KIAA1549L: variants seen among roughly 807,000 people sequenced by gnomAD.
KIAA1549L encodes KIAA1549 like, also known as UPF0606 protein KIAA1549L.
In KIAA1549L, 88 loss-of-function variants were observed where a neutral mutation model predicts 160.7. That is an observed-to-expected ratio of 0.55 (90% CI 0.46 to 0.65). KIAA1549L has a LOEUF of 0.65. Among genes scored for constraint, KIAA1549L ranks in the 30% least tolerant of loss-of-function variants. The probability of loss-of-function intolerance (pLI) is 0.00; values close to 1 mark genes in which losing one functional copy is unlikely to be tolerated. For synonymous variants in KIAA1549L, 950 were observed against 976.7 expected, an observed-to-expected ratio of 0.97 and a Z score of 0.51; for missense variants, 2,258 against 2,437.5, an observed-to-expected ratio of 0.93 and a Z score of 1.55.
At chr11:33,533,955 C>T (rs1853834950) in intron 1 of KIAA1549L, among the ~76,000 whole-genome samples, 1 of 152,210 alleles carries the variant, frequency 6.6e-6, no homozygotes, top group Admixed American at 6.5e-5. Context: ...TACTGTCGGT[C>T]CAAACACAAG....
chr11:33,626,053 A>G (rs1213697007), intron 16 of KIAA1549L, among the ~76,000 whole-genome samples: 1 of 150,632 alleles, frequency 6.6e-6, no homozygotes, highest in Non-Finnish European at 1.5e-5. Flanking sequence ...CAGGTTTGTC[A>G]AAGATCAGAT....
chr11:33,563,770 A>G (rs992145275), intron 8 of KIAA1549L, among the ~76,000 whole-genome samples: 3 of 152,202 alleles, frequency 2.0e-5, no homozygotes, highest in Admixed American at 6.5e-5. Context: ...AACATTTACA[A>G]AATCATGTTT....
At chr11:33,503,067 A>C (rs888611617) in intron 1 of KIAA1549L, among the ~76,000 whole-genome samples, 1 of 152,234 alleles carries the variant, frequency 6.6e-6, no homozygotes, top group Admixed American at 6.5e-5. Context: ...TAGCACCTAG[A>C]TCAAGAAACA....
Position 33,544,947 on chromosome 11 carries a change from T to C in KIAA1549L, c.2954T>C (p.Val985Ala). The change falls in exon 3 of 21, where the codon GTC becomes GCC. Residue 985 changes from valine (V) to alanine (A), a missense_variant. Coordinates refer to ENST00000658780, the MANE Select transcript of KIAA1549L (RefSeq NM_012194.3). Reference protein sequence around the residue: ...SSSMTTLAKNVTNKAASGPKR... With the variant: ...SSSMTTLAKNATNKAASGPKR... ...TCGATGACTACTCTTGCTAAAAATG[T>C]CACAAACAAGGCCGCATCTGGCCCA... 1 of 1,613,678 alleles carries C rather than the reference T, an allele frequency of 6.2e-7. No homozygotes were observed. Among genetic ancestry groups the C allele is most frequent in the East Asian group, 2.2e-5 (1 of 44,844 alleles).
chr11:33,545,127 C>T lies in KIAA1549L; in HGVS notation c.3134C>T (p.Pro1045Leu). ...TCTACAACTTACCTCCCCAGGAAAC[C>T]ACAAGCCATGCACACCGGCCTCCCA... is the stretch of plus-strand genomic sequence containing the variant. ...LLSTTYLPRK[P>L]QAMHTGLPNP... The change falls in exon 3 of 21, where the codon CCA becomes CTA. Residue 1045 changes from proline (P) to leucine (L), a missense_variant. Transcript: ENST00000658780. 1.9e-6 allele frequency: 3 copies of T among 1,614,010 alleles called. No individual in the cohort carries two copies. The highest frequency in any genetic ancestry group is 2.5e-6 in the Non-Finnish European group (3 of 1,179,874).
chr11:33,473,704 T>C (rs1024333863), intron 1 of KIAA1549L, among the ~76,000 whole-genome samples: 1 of 152,104 alleles, frequency 6.6e-6, no homozygotes, highest in Non-Finnish European at 1.5e-5. Context: ...TTAGTCCCCA[T>C]TCCCTGACCA....
chr11:33,665,120 C>G (rs1852397910), intron 20 of KIAA1549L: 1 of 152,290 alleles, frequency 6.6e-6, no homozygotes, highest in Non-Finnish European at 1.5e-5. Context: ...TTTGGGGTAT[C>G]AGTTTTCTTC....
At chr11:33,641,112 A>G (rs1282785332) in intron 16 of KIAA1549L, among the ~76,000 whole-genome samples, 2 of 152,254 alleles carry the variant, frequency 1.3e-5, no homozygotes, top group Non-Finnish European at 2.9e-5. Context: ...GAAAATGGAC[A>G]CAACTGCAGA....
At chr11:33,424,178 A>G (rs1048086805) in intron 1 of KIAA1549L, among the ~76,000 whole-genome samples, 4 of 152,234 alleles carry the variant, frequency 2.6e-5, no homozygotes, top group African/African-American at 9.6e-5. Flanking sequence ...TCAAGAGCAA[A>G]GGTCATGGCA....
intron 16 of KIAA1549L, among the ~76,000 whole-genome samples, chr11:33,643,847 G>C (rs905238290): frequency 1.3e-5 from 2 of 152,200 alleles, no homozygotes; most frequent in African/African-American, 2.4e-5. Flanking sequence ...TTCAAGGGTT[G>C]CATTCGTGTT....
chr11:33,477,166 A>G (rs1852303812), intron 1 of KIAA1549L, among the ~76,000 whole-genome samples: 1 of 152,160 alleles, frequency 6.6e-6, no homozygotes, highest in Admixed American at 6.5e-5. Context: ...AGTTAAGAAT[A>G]GAGCTAAGTC....
intron 1 of KIAA1549L, among the ~76,000 whole-genome samples, chr11:33,385,849 A>G (rs1850163313): frequency 6.6e-6 from 1 of 151,930 alleles, no homozygotes; most frequent in South Asian, 2.1e-4. Flanking sequence ...ATTTGTACAT[A>G]CATTTTTCAT....
chr11:33,410,389 G>T (rs547333681), intron 1 of KIAA1549L, among the ~76,000 whole-genome samples: 2 of 152,304 alleles, frequency 1.3e-5, no homozygotes, highest in East Asian at 1.9e-4. Flanking sequence ...TGGATGTCGT[G>T]TTCCTCTTGT....
intron 1 of KIAA1549L, among the ~76,000 whole-genome samples, chr11:33,438,847 G>GTTT (rs35955927): frequency 1.4e-5 from 2 of 139,562 alleles, no homozygotes; most frequent in Non-Finnish European, 3.1e-5. Context: ...GGATTTGAAG[G>GTTT]TTTTTTTTTT....
rs1214682449 is a variant in KIAA1549L, at chr11:33,383,999, A to G, written c.238+7110A>G. Among the ~76,000 whole-genome samples the G allele has an allele frequency of 2.0e-5, 3 of 152,316 alleles. No homozygotes were observed. In the East Asian group the frequency reaches 5.8e-4, roughly 29 times the overall value. On this transcript the variant is annotated intron_variant, in intron 1 of 20. Transcript: ENST00000658780. ...ATTAAGGTGTAATTTACATACAGTGAAATTCATCCTTTGTAGGTGTGCTGC... is the reference window on the plus strand; with the variant it reads ...ATTAAGGTGTAATTTACATACAGTGGAATTCATCCTTTGTAGGTGTGCTGC...
At chr11:33,435,804 A>ATATG (rs1554976801) in intron 1 of KIAA1549L, among the ~76,000 whole-genome samples, 2 of 17,134 alleles carry the variant, frequency 1.2e-4, no homozygotes, top group African/African-American at 6.5e-4. Flanking sequence ...ATATATATAT[A>ATATG]TATATATGTG....
chr11:33,475,366 GC>G (rs1389199324), intron 1 of KIAA1549L, among the ~76,000 whole-genome samples: 3 of 152,106 alleles, frequency 2.0e-5, no homozygotes, highest in Non-Finnish European at 4.4e-5. Flanking sequence ...AAACAAAAGT[GC>G]ATATCAGATT....
In KIAA1549L at chr11:33,568,422, G is replaced by A. The variant is rs115276833; in HGVS notation, c.4230+195G>A. On this transcript the variant is annotated intron_variant, in intron 9 of 20. Transcript: ENST00000658780. ...ATCAAAAACATGAAGGAGGGTGAGA[G>A]TTTGCTGCTCTTCCGACATTGTCAC... Among the ~76,000 whole-genome samples the A allele has an allele frequency of 3.6e-3, 552 of 152,054 alleles. 4 individuals carry two copies. The highest frequency in any genetic ancestry group is 0.013 in the African/African-American group (525 of 41,448).
chr11:33,629,788 C>G (rs576094774), intron 16 of KIAA1549L, among the ~76,000 whole-genome samples: 2 of 150,710 alleles, frequency 1.3e-5, no homozygotes, highest in South Asian at 2.1e-4. Context: ...TCTCTCAGCT[C>G]GTCAAAGTCA....
Sources: gnomAD v4.1 joint callset for allele counts (sites outside exome capture counted in the v4.1 genomes callset) on GRCh38, gnomAD v4.1.1 for gene constraint, MANE v1.5 for transcripts, NCBI Gene and HGNC (gene_info 2026-07-23, HGNC 2026-07-21) for gene names.